EYS: variants seen among roughly 807,000 people sequenced by gnomAD.
EYS encodes protein eyes shut homolog.
In EYS, 250 loss-of-function variants were observed where a neutral mutation model predicts 282.1. The observed-to-expected ratio is 0.89, with a 90% CI of 0.80 to 0.98. The LOEUF (loss-of-function observed/expected upper bound fraction) is 0.98. EYS is among the 50% of genes least tolerant of loss of function. EYS has a pLI of 0.00. For missense variants in EYS, 4,016 were observed against 3,709.0 expected (o/e 1.08, Z -2.15); for synonymous variants, 1,355 against 1,282.9 (o/e 1.06, Z -1.20).
intron 18 of EYS, among the ~76,000 whole-genome samples, chr6:64,896,855 G>T (rs943578613): frequency 6.6e-6 from 1 of 152,094 alleles, no homozygotes; most frequent in African/African-American, 2.4e-5. Context: ...CTGGTGGAGG[G>T]GGGGGCCACC....
rs1218232799 is a variant in EYS at position 64,973,281 on chromosome 6, T to C, written c.2259+24301A>G. Among the ~76,000 whole-genome samples, 4 of 152,162 alleles carry C rather than the reference T, an allele frequency of 2.6e-5. No homozygotes were observed. In the East Asian group the frequency reaches 7.8e-4, roughly 30 times the overall value. On this transcript the variant is annotated intron_variant, in intron 14 of 42. Coordinates refer to ENST00000503581, the MANE Select transcript of EYS (RefSeq NM_001142800.2). ...GATACTTACTGACTACCCTTCTATG[T>C]ACTAGGCACTAGCCACTGGGCAAAT... is the stretch of plus-strand genomic sequence containing the variant.
intron 12 of EYS, among the ~76,000 whole-genome samples, chr6:65,207,449 G>A (rs535535263): frequency 6.6e-6 from 1 of 151,716 alleles, no homozygotes; most frequent in South Asian, 2.1e-4. Context: ...AAGTACCATA[G>A]TGCCCAAAGC....
intron 35 of EYS, among the ~76,000 whole-genome samples, chr6:63,869,379 T>C (rs888615406): frequency 4.0e-5 from 6 of 150,556 alleles, no homozygotes; most frequent in African/African-American, 1.5e-4. Flanking sequence ...TTTCTTTCTC[T>C]CTCTGACAGG....
At chr6:65,403,994 A>G (rs949192586) in intron 6 of EYS, among the ~76,000 whole-genome samples, 1 of 152,108 alleles carries the variant, frequency 6.6e-6, no homozygotes, top group African/African-American at 2.4e-5. Flanking sequence ...AGCAACAACA[A>G]CAACAAAAAA....
At chr6:64,585,591 A>G (rs1427384268) in intron 26 of EYS, among the ~76,000 whole-genome samples, 1 of 152,136 alleles carries the variant, frequency 6.6e-6, no homozygotes, top group Non-Finnish European at 1.5e-5. Flanking sequence ...CAATGCATCA[A>G]CAGAATTCAG....
chr6:65,513,079 T>C (rs1241681085), intron 2 of EYS, among the ~76,000 whole-genome samples: 1 of 151,976 alleles, frequency 6.6e-6, no homozygotes, highest in Non-Finnish European at 1.5e-5. Context: ...AAGAATCAAA[T>C]AGATGCAATA....
intron 1 of EYS, among the ~76,000 whole-genome samples, chr6:65,665,716 A>G (rs1367630965): frequency 6.6e-6 from 1 of 152,062 alleles, no homozygotes; most frequent in Non-Finnish European, 1.5e-5. Context: ...ATTTGTATGG[A>G]AGATTTAGAG....
chr6:64,218,271 G>A (rs977660138), intron 31 of EYS, among the ~76,000 whole-genome samples: 3 of 152,116 alleles, frequency 2.0e-5, no homozygotes, highest in African/African-American at 7.2e-5. Context: ...TTTCTTGGAG[G>A]ATTTACTAAA....
intron 15 of EYS, among the ~76,000 whole-genome samples, chr6:64,914,556 G>A (rs1318541018): frequency 6.6e-6 from 1 of 151,992 alleles, no homozygotes; most frequent in African/African-American, 2.4e-5. Flanking sequence ...CAGTTTCAAA[G>A]CCCCAGATAT....
intron 5 of EYS, among the ~76,000 whole-genome samples, chr6:65,470,668 T>C (rs1415188523): frequency 6.6e-6 from 1 of 152,128 alleles, no homozygotes; most frequent in Non-Finnish European, 1.5e-5. Flanking sequence ...AATTTTTAAG[T>C]AACTGAGCTG....
intron 12 of EYS, among the ~76,000 whole-genome samples, chr6:65,205,539 T>C (rs1766013662): frequency 6.6e-6 from 1 of 151,870 alleles, no homozygotes; most frequent in Non-Finnish European, 1.5e-5. Context: ...AACTATACTC[T>C]AAACTATGTG....
intron 36 of EYS, among the ~76,000 whole-genome samples, chr6:63,840,536 G>A (rs1231523457): frequency 6.6e-6 from 1 of 151,944 alleles, no homozygotes; most frequent in African/African-American, 2.4e-5. Flanking sequence ...AAATCTTTTA[G>A]TTTGATCGAA....
At chr6:63,856,565 C>T (rs1209360104) in intron 36 of EYS, among the ~76,000 whole-genome samples, 2 of 151,986 alleles carry the variant, frequency 1.3e-5, no homozygotes, top group African/African-American at 4.8e-5. Context: ...TGTGTAGCTC[C>T]CTAGGAATTG....
At chr6:65,473,685 G>C (rs1765298271) in intron 5 of EYS, among the ~76,000 whole-genome samples, 1 of 151,844 alleles carries the variant, frequency 6.6e-6, no homozygotes, top group African/African-American at 2.4e-5. Flanking sequence ...TACTGCACAT[G>C]AAAAAATTTA....
chr6:64,178,514 A>G (rs1319095039), intron 31 of EYS, among the ~76,000 whole-genome samples: 1 of 152,102 alleles, frequency 6.6e-6, no homozygotes, highest in Non-Finnish European at 1.5e-5. Flanking sequence ...GCTAAAGCCT[A>G]CATGCTTAAC....
intron 26 of EYS, among the ~76,000 whole-genome samples, chr6:64,504,334 A>G (rs1777145737): frequency 6.6e-6 from 1 of 152,236 alleles, no homozygotes; most frequent in Admixed American, 6.5e-5. Context: ...ACATTTTAGG[A>G]AAACTTACCA....
In EYS at chr6:65,252,652, G is replaced by A. The variant is rs553176808; in HGVS notation, c.2023+43211C>T. 2.4e-3 allele frequency among the ~76,000 whole-genome samples: 363 copies of A among 151,974 alleles called. 1 individual carries two copies. The highest frequency in any genetic ancestry group is 4.0e-3 in the Non-Finnish European group (271 of 67,906). On this transcript the variant is annotated intron_variant, in intron 12 of 42. Coordinates refer to ENST00000503581, the MANE Select transcript of EYS (RefSeq NM_001142800.2). ...CAATAGATGCCCATGTTTAAATGTC[G>A]AATTTATCTGACAAACACTTTAAAG... is the stretch of plus-strand genomic sequence containing the variant.
chr6:63,736,709 C>T (rs1431590127), intron 41 of EYS, among the ~76,000 whole-genome samples: 2 of 152,154 alleles, frequency 1.3e-5, no homozygotes, highest in Non-Finnish European at 2.9e-5. Context: ...TTGATTCTTC[C>T]TGCCCATGAG....
chr6:64,415,529 G>C (rs1261562697), intron 28 of EYS, among the ~76,000 whole-genome samples: 1 of 152,126 alleles, frequency 6.6e-6, no homozygotes, highest in Non-Finnish European at 1.5e-5. Flanking sequence ...AGCATGCTCT[G>C]CCTGTATCAC....
Sources: allele counts gnomAD v4.1 joint callset (sites outside exome capture counted in the v4.1 genomes callset), GRCh38; gene constraint gnomAD v4.1.1; transcripts MANE v1.5; gene names NCBI Gene and HGNC (gene_info 2026-07-23, HGNC 2026-07-21).